The following EPC2 variants were observed in gnomAD, a reference collection of about 807,000 sequenced individuals.
EPC2 encodes enhancer of polycomb 2, also known as enhancer of polycomb homolog 2.
In EPC2, 14 loss-of-function variants were observed where a neutral mutation model predicts 92.1. The observed-to-expected ratio is 0.15, with a 90% CI of 0.10 to 0.24. The LOEUF is 0.24. Ranked by LOEUF, EPC2 falls within the 10% of genes least tolerant of loss-of-function variation. EPC2 has a pLI of 1.00. For missense variants in EPC2, 755 were observed against 971.5 expected, an observed-to-expected ratio of 0.78 and a Z score of 2.96; for synonymous variants, 340 against 334.7, an observed-to-expected ratio of 1.02 and a Z score of -0.17.
At chr2:148,706,825 C>A (rs1682009429) in intron 2 of EPC2, among the ~76,000 whole-genome samples, 2 of 152,076 alleles carry the variant, frequency 1.3e-5, no homozygotes, top group South Asian at 4.1e-4. Flanking sequence ...ACCAGGCTTG[C>A]CGTACAAGAG....
At chr2:148,776,859 T>G (rs1024779200) in intron 10 of EPC2, among the ~76,000 whole-genome samples, 2 of 13,602 alleles carry the variant, frequency 1.5e-4, no homozygotes, top group African/African-American at 2.4e-4. Flanking sequence ...TCTCTCTCTT[T>G]TTTTTTTTTT....
At chr2:148,683,036 T>C (rs992657371) in intron 1 of EPC2, among the ~76,000 whole-genome samples, 2 of 151,552 alleles carry the variant, frequency 1.3e-5, no homozygotes, top group African/African-American at 2.4e-5. Context: ...TTAACACTGC[T>C]TTTTTTTTCC....
At chr2:148,656,800 T>C (rs1206724115) in intron 1 of EPC2, among the ~76,000 whole-genome samples, 2 of 151,824 alleles carry the variant, frequency 1.3e-5, no homozygotes, top group Non-Finnish European at 2.9e-5. Flanking sequence ...GAGAAAGGAG[T>C]TTTACACAGA....
intron 2 of EPC2, among the ~76,000 whole-genome samples, chr2:148,713,568 T>C (rs752786959): frequency 1.3e-5 from 2 of 152,044 alleles, no homozygotes; most frequent in Non-Finnish European, 2.9e-5. Flanking sequence ...CAGTGTAATG[T>C]CCTAAGCCTT....
At chr2:148,772,559 A>G (rs1362017629) in intron 10 of EPC2, among the ~76,000 whole-genome samples, 1 of 152,196 alleles carries the variant, frequency 6.6e-6, no homozygotes, top group African/African-American at 2.4e-5. Flanking sequence ...CTTGACTCGT[A>G]CAGTGATTTG....
intron 2 of EPC2, chr2:148,691,637 C>T (rs578012756): frequency 3.2e-6 from 5 of 1,546,926 alleles, no homozygotes; most frequent in Non-Finnish European, 3.5e-6. Flanking sequence ...GGGGACACTA[C>T]CAACCGGAGA....
chr2:148,753,778 T>G (rs1683122764), intron 3 of EPC2, 149 bp from the exon 4 acceptor site: 1 of 609,890 alleles, frequency 1.6e-6, no homozygotes, highest in South Asian at 2.4e-5. Flanking sequence ...ATTCCTTCAT[T>G]AGGTTGAATT....
At chr2:148,691,501 C>T (rs1272457577) in intron 2 of EPC2, 9 of 1,548,808 alleles carry the variant, frequency 5.8e-6, no homozygotes, top group Non-Finnish European at 7.0e-6. Flanking sequence ...AGATTGACTG[C>T]TTTTCATTGA....
intron 3 of EPC2, among the ~76,000 whole-genome samples, 191 bp downstream of exon 3, chr2:148,743,958 G>A (rs1174201470): frequency 6.6e-6 from 1 of 152,066 alleles, no homozygotes; most frequent in Non-Finnish European, 1.5e-5. Flanking sequence ...GAAGAGTACT[G>A]TTCTGACTGT....
intron 4 of EPC2, among the ~76,000 whole-genome samples, chr2:148,761,343 G>GC (rs1281048977): frequency 6.6e-6 from 1 of 152,132 alleles, no homozygotes; most frequent in East Asian, 1.9e-4. Flanking sequence ...AAACCATCCA[G>GC]CCCCCAGTTA....
intron 2 of EPC2, among the ~76,000 whole-genome samples, chr2:148,695,820 A>G (rs922339625): frequency 6.6e-6 from 1 of 152,268 alleles, no homozygotes; most frequent in African/African-American, 2.4e-5. Context: ...GTGAAAGGAC[A>G]TCACATATTC....
intron 6 of EPC2, 133 bp from the exon 7 acceptor site, chr2:148,764,822 T>G (rs1023588224): frequency 4.3e-5 from 24 of 564,188 alleles, no homozygotes; most frequent in African/African-American, 3.7e-4. Context: ...ACAGAATAAT[T>G]TTTGCGTATT....
chr2:148,783,895 G>A (rs895232717), intron 12 of EPC2, 139 bp downstream of exon 12: 1 of 836,546 alleles, frequency 1.2e-6, no homozygotes, highest in African/African-American at 1.7e-5. Context: ...TGGAAAGATA[G>A]TGGGAAATAG....
intron 10 of EPC2, among the ~76,000 whole-genome samples, chr2:148,775,817 A>G (rs1283550852): frequency 2.9e-5 from 3 of 103,810 alleles, no homozygotes; most frequent in African/African-American, 7.8e-5. Context: ...TCACTCTGTT[A>G]CCCAGGCTGG....
At chr2:148,668,601 C>T (rs1384713920) in intron 1 of EPC2, among the ~76,000 whole-genome samples, 1 of 152,138 alleles carries the variant, frequency 6.6e-6, no homozygotes, top group Non-Finnish European at 1.5e-5. Flanking sequence ...TTTTAAAGTT[C>T]AGTTTCTTTA....
rs768009996 is a variant in EPC2 at position 148,764,966 on chromosome 2, T to C, written c.960T>C (p.His320=). The change falls in exon 7 of 14, where the codon CAT becomes CAC. Residue 320 remains histidine, a synonymous_variant. Coordinates refer to ENST00000258484, the MANE Select transcript of EPC2 (RefSeq NM_015630.4). ...CGTCATGTAAACAGCACCCTCATCA[T>C]TTGTCTTTGAAAGAAGAGGCTTCTG... The part of the protein sequence containing the change: ...VQECKTKHPH[H]LSLKEEASDV... 5 of 1,557,908 alleles carry C rather than the reference T, an allele frequency of 3.2e-6. No homozygotes were observed. In the South Asian group the frequency reaches 5.0e-5, roughly 16 times the overall value.
chr2:148,680,427 A>G (rs1334450688), intron 1 of EPC2, among the ~76,000 whole-genome samples: 2 of 152,226 alleles, frequency 1.3e-5, no homozygotes, highest in Non-Finnish European at 2.9e-5. Context: ...TCTCAAGTGT[A>G]TAGAAATGAT....
intron 1 of EPC2, among the ~76,000 whole-genome samples, chr2:148,687,152 T>G (rs1209542537): frequency 1.3e-5 from 2 of 152,248 alleles, no homozygotes; most frequent in Non-Finnish European, 2.9e-5. Context: ...CACCTTGCGC[T>G]TTTATGTTAT....
At chr2:148,688,400 C>T (rs1351278995) in intron 1 of EPC2, among the ~76,000 whole-genome samples, 2 of 151,682 alleles carry the variant, frequency 1.3e-5, no homozygotes, top group African/African-American at 4.8e-5. Context: ...TCACACACAC[C>T]AGGGCCTGTT....
Sources: allele counts gnomAD v4.1 joint callset (sites outside exome capture counted in the v4.1 genomes callset), GRCh38; gene constraint gnomAD v4.1.1; transcripts MANE v1.5; gene names NCBI Gene and HGNC (gene_info 2026-07-23, HGNC 2026-07-21).